The following AFDN variants were observed in gnomAD, a reference collection of about 807,000 sequenced individuals.
AFDN encodes the protein afadin.
A neutral mutation model predicts 216.6 loss-of-function variants in AFDN; 68 were observed. That is an observed-to-expected ratio of 0.31 (90% CI 0.26 to 0.38). The LOEUF is 0.38. Ranked by LOEUF, AFDN falls within the 10% of genes least tolerant of loss-of-function variation. The probability of loss-of-function intolerance (pLI) is 1.00; values close to 1 mark genes in which losing one functional copy is unlikely to be tolerated. For missense variants in AFDN, 2,136 were observed against 2,342.0 expected, an observed-to-expected ratio of 0.91 and a Z score of 1.82; for synonymous variants, 868 against 853.7, an observed-to-expected ratio of 1.02 and a Z score of -0.29.
chr6:167,863,785 G>A (rs1019383028), intron 1 of AFDN: 1 of 518,674 alleles, frequency 1.9e-6, no homozygotes, highest in Non-Finnish European at 3.8e-6. Context: ...GAATACCAAT[G>A]TGCTTTTTCT....
At chr6:167,870,712 T>C (rs1273496480) in intron 3 of AFDN, among the ~76,000 whole-genome samples, 3 of 152,200 alleles carry the variant, frequency 2.0e-5, no homozygotes, top group African/African-American at 7.2e-5. Context: ...GTTTCTCACC[T>C]TTTCAAAGAA....
chr6:167,933,818 C>T (rs1793626823), intron 23 of AFDN, among the ~76,000 whole-genome samples: 1 of 152,150 alleles, frequency 6.6e-6, no homozygotes, highest in African/African-American at 2.4e-5. Context: ...AAATGTTGAT[C>T]CTCTAAAGAG....
intron 5 of AFDN, among the ~76,000 whole-genome samples, chr6:167,878,768 G>A (rs528603785): frequency 1.3e-5 from 2 of 152,206 alleles, no homozygotes; most frequent in Non-Finnish European, 2.9e-5. Context: ...CCCTCGCTCT[G>A]TCCGTACTGG....
rs1373566604 is a variant in AFDN at position 167,970,080 on chromosome 6, A to T, written c.*145A>T. On this transcript the variant is annotated 3_prime_UTR_variant, in exon 34 of 34. Coordinates refer to ENST00000683244, the MANE Select transcript of AFDN (RefSeq NM_001386888.1). ...TGTTTCTAAAATTGTTGGGATTTAG[A>T]AATGTTTCAATTCCAAGAAATTTTA... 1 of 678,372 alleles carries T rather than the reference A, an allele frequency of 1.5e-6. No homozygotes were observed. The highest frequency in any genetic ancestry group is 2.3e-6 in the Non-Finnish European group (1 of 435,532). 42.0% of individuals were successfully genotyped at this position (678,372 alleles called of 1,614,324 possible). A position where few individuals can be genotyped will look rare whatever the true frequency, so the allele number is the denominator to read the frequency against.
chr6:167,945,348 A>G (rs1034924725), intron 26 of AFDN, among the ~76,000 whole-genome samples: 1 of 152,316 alleles, frequency 6.6e-6, no homozygotes, highest in Admixed American at 6.5e-5. Context: ...TGTGGTGACA[A>G]TGCCTTTTTC....
chr6:167,956,468 C>T (rs1050109356), intron 30 of AFDN, among the ~76,000 whole-genome samples: 2 of 152,188 alleles, frequency 1.3e-5, no homozygotes, highest in African/African-American at 4.8e-5. Context: ...TCTCCATCCT[C>T]TGTGCTCACT....
At chr6:167,912,890 C>T (rs1490744210) in intron 15 of AFDN, among the ~76,000 whole-genome samples, 1 of 152,070 alleles carries the variant, frequency 6.6e-6, no homozygotes, top group Non-Finnish European at 1.5e-5. Context: ...GAATTTGCTC[C>T]CTTTAGTATA....
chr6:167,862,623 C>G (rs1175315487), intron 1 of AFDN, among the ~76,000 whole-genome samples: 1 of 152,230 alleles, frequency 6.6e-6, no homozygotes, highest in South Asian at 2.1e-4. Flanking sequence ...GATCCGCCCA[C>G]CTCGGCCTCC....
chr6:167,883,187 G>T (rs1250773240), intron 6 of AFDN, among the ~76,000 whole-genome samples: 1 of 152,000 alleles, frequency 6.6e-6, no homozygotes. Context: ...GGGAAGGAAA[G>T]TCCAGAAGAT....
At chr6:167,858,728 G>T (rs1002824565) in intron 1 of AFDN, among the ~76,000 whole-genome samples, 22 of 152,198 alleles carry the variant, frequency 1.4e-4, no homozygotes, top group African/African-American at 5.1e-4. Context: ...GAATTGGATT[G>T]TGTTTGCTAA....
chr6:167,914,771 C>A, intron 18 of AFDN, 33 bp downstream of exon 18: 1 of 1,434,424 alleles, frequency 7.0e-7, no homozygotes, highest in Non-Finnish European at 9.8e-7. Context: ...TCCCTCTATC[C>A]CGCTTCCTTC....
chr6:167,963,816 T>G (rs1473299088), intron 31 of AFDN: 6 of 1,063,466 alleles, frequency 5.6e-6, no homozygotes, highest in Non-Finnish European at 6.8e-6. Context: ...GAAATCAGAT[T>G]TACAAAATGC....
chr6:167,966,074 G>A, intron 32 of AFDN, 29 bp downstream of exon 32: 1 of 1,538,926 alleles, frequency 6.5e-7, no homozygotes, highest in Non-Finnish European at 8.7e-7. Context: ...GCACAAGAAA[G>A]TCTCATGGGG....
In AFDN at chr6:167,880,495, C is replaced by G. The variant is rs1785975442; in HGVS notation, c.875C>G (p.Pro292Arg). Reference sequence around the variant, plus strand: ...AAGTATGGTCTGGAAAAAGAAAACCCTAAGGATTACTGCATCGCCCGGGTA... The same window carrying G: ...AAGTATGGTCTGGAAAAAGAAAACCGTAAGGATTACTGCATCGCCCGGGTA... ...LEKYGLEKENPKDYCIARVML... is the reference protein window; with the variant it reads ...LEKYGLEKENRKDYCIARVML... The change falls in exon 6 of 34, where the codon CCT (proline) becomes CGT (arginine). Residue 292 changes from proline to arginine, a missense_variant. By Grantham distance (103) the Pro-to-Arg change is moderately radical. Coordinates refer to ENST00000683244, the MANE Select transcript of AFDN (RefSeq NM_001386888.1). 1 of 1,613,670 alleles carries G rather than the reference C, an allele frequency of 6.2e-7. No homozygotes were observed. The highest frequency in any genetic ancestry group is 8.5e-7 in the Non-Finnish European group (1 of 1,179,712).
At position 167,858,537 on chromosome 6, in the gene AFDN, G is replaced by A. The variant is rs2300084; in HGVS notation, c.106-6014G>A. ...CCTTTTCCCACTTTCAGTGAACTTGGTCTTTCTCAGATTTGGTGAATAAGC... is the reference window on the plus strand; with the variant it reads ...CCTTTTCCCACTTTCAGTGAACTTGATCTTTCTCAGATTTGGTGAATAAGC... On this transcript the variant is annotated intron_variant, in intron 1 of 33. Transcript: ENST00000683244. Among the ~76,000 whole-genome samples, 24 of 152,278 alleles carry A rather than the reference G, an allele frequency of 1.6e-4. 1 individual carries two copies. In the East Asian group the frequency reaches 4.6e-3, roughly 29 times the overall value.
chr6:167,919,568 GCGCCTGTGTGCTGGCAAGAC>G (rs1448222063), intron 21 of AFDN, among the ~76,000 whole-genome samples: 5 of 152,262 alleles, frequency 3.3e-5, no homozygotes, highest in Non-Finnish European at 5.9e-5. Context: ...AAGCTGGCTT[GCGCCTGTGTGCTGGCAAGAC>G]CCAAACTCCA....
intron 1 of AFDN, among the ~76,000 whole-genome samples, chr6:167,833,309 T>G (rs1308796933): frequency 6.6e-6 from 1 of 152,144 alleles, no homozygotes; most frequent in Non-Finnish European, 1.5e-5. Context: ...CTCCTAAAAC[T>G]CCACCTGAAA....
At chr6:167,868,030 T>G (rs1784381696) in intron 2 of AFDN, among the ~76,000 whole-genome samples, 1 of 152,196 alleles carries the variant, frequency 6.6e-6, no homozygotes, top group South Asian at 2.1e-4. Context: ...TTACTGCCTC[T>G]CTTTCTGACA....
At chr6:167,914,759 T>C in intron 18 of AFDN, 21 bp downstream of exon 18, 3 of 1,492,424 alleles carry the variant, frequency 2.0e-6, no homozygotes, top group Non-Finnish European at 2.8e-6. Context: ...TTTCTGACTG[T>C]CTCCCTCTAT....
Sources: gnomAD v4.1 joint callset for allele counts (sites outside exome capture counted in the v4.1 genomes callset) on GRCh38, gnomAD v4.1.1 for gene constraint, MANE v1.5 for transcripts, NCBI Gene and HGNC (gene_info 2026-07-23, HGNC 2026-07-21) for gene names.